Variants in TXNDC12 observed in about 807,000 individuals in gnomAD.
TXNDC12 encodes the protein thioredoxin domain containing 12.
TXNDC12 carries 22 observed loss-of-function variants against 24.2 expected under a neutral mutation model. The ratio of observed to expected loss-of-function variants is 0.91; its 90% CI spans 0.65 to 1.30. The LOEUF is 1.30. Ranked by LOEUF, TXNDC12 falls within the 50% of genes most tolerant of loss-of-function variation. The pLI, the probability that TXNDC12 is intolerant of heterozygous loss-of-function variation, is 0.00. For synonymous variants in TXNDC12, 58 were observed against 73.4 expected (o/e 0.79, Z 1.07); for missense variants, 184 against 205.8 (o/e 0.89, Z 0.65).
chr1:52,031,248 C>T (rs1279949961), intron 2 of TXNDC12, among the ~76,000 whole-genome samples: 1 of 151,676 alleles, frequency 6.6e-6, no homozygotes, highest in East Asian at 1.9e-4. Flanking sequence ...CAACCTCCGC[C>T]TCCCGGGTTC....
chr1:52,032,549 G>A (rs781007713), intron 2 of TXNDC12: 18 of 1,403,360 alleles, frequency 1.3e-5, no homozygotes, highest in Middle Eastern at 2.6e-4. Context: ...CTGGCACAGG[G>A]GTATGCAGGA....
upstream of TXNDC12, chr1:52,055,468 C>G: frequency 4.1e-6 from 1 of 244,810 alleles, no homozygotes; most frequent in South Asian, 4.8e-5. Context: ...CAGTCCAGCC[C>G]CTCCCCCCAA....
At chr1:52,050,844 G>C (rs1445723468) in intron 1 of TXNDC12, 4 of 168,578 alleles carry the variant, frequency 2.4e-5, no homozygotes, top group African/African-American at 9.6e-5. Flanking sequence ...TTTTATTCCA[G>C]AGACTTGACA....
At position 52,020,956 on chromosome 1, in the gene TXNDC12, T is replaced by A. The variant is rs1444457445; in HGVS notation, c.496A>T (p.Lys166Ter). ...TGTTACAATTCATCTTCAAGATGTTTCTTTCTGAAGGCATCACCCGTCAGC... is the reference window on the plus strand; with the variant it reads ...TGTTACAATTCATCTTCAAGATGTTACTTTCTGAAGGCATCACCCGTCAGC... ...ERLTGDAFRK[K>*]HLEDEL The change falls in exon 7 of 7, where the codon AAA becomes TAA. Residue 166 changes from lysine (K) to a stop codon, truncating the protein, a stop_gained. Coordinates refer to ENST00000371626, the MANE Select transcript of TXNDC12 (RefSeq NM_015913.4). LOFTEE classifies it high-confidence loss of function. 6.2e-7 allele frequency: 1 copy of A among 1,614,082 alleles called. No homozygotes were observed. Among genetic ancestry groups the A allele is most frequent in the African/African-American group, 1.3e-5 (1 of 75,056 alleles).
At chr1:52,049,148 T>C (rs1686153082) in intron 1 of TXNDC12, among the ~76,000 whole-genome samples, 1 of 152,120 alleles carries the variant, frequency 6.6e-6, no homozygotes, top group Non-Finnish European at 1.5e-5. Context: ...AACCCTCTTA[T>C]TTTACTGAGG....
At chr1:52,055,302 G>A (rs1228522794), upstream of TXNDC12, 5 of 546,774 alleles carry the variant, frequency 9.1e-6, no homozygotes, top group Non-Finnish European at 1.3e-5. Context: ...TAAAGGTGCA[G>A]ATCACGTAGA....
chr1:52,023,797 G>A (rs1012599238), intron 5 of TXNDC12, among the ~76,000 whole-genome samples: 2 of 151,924 alleles, frequency 1.3e-5, no homozygotes, highest in African/African-American at 4.8e-5. Context: ...CAAAGATTAG[G>A]TGGTCATTAA....
At position 52,025,946 on chromosome 1, in the gene TXNDC12, A is replaced by T. The variant is rs1685665625; in HGVS notation, c.285+1329T>A. On this transcript the variant is annotated intron_variant, in intron 4 of 6. Transcript: ENST00000371626. Reference sequence around the variant, plus strand: ...CTGGGTCAAGCGATTCTCCTGCCTCAGGCTCCCTAGTAGCTGGGACTACAG... The same window carrying T: ...CTGGGTCAAGCGATTCTCCTGCCTCTGGCTCCCTAGTAGCTGGGACTACAG... Among the ~76,000 whole-genome samples, 3 of 151,128 alleles carry T rather than the reference A, an allele frequency of 2.0e-5. No individual in the cohort carries two copies. The South Asian group carries it at 6.3e-4, about 32-fold the overall frequency.
At chr1:52,054,545 A>C (rs1686288109) in intron 1 of TXNDC12, among the ~76,000 whole-genome samples, 1 of 152,226 alleles carries the variant, frequency 6.6e-6, no homozygotes, top group East Asian at 1.9e-4. Flanking sequence ...CCTGGGATGC[A>C]GGTGCTGTTT....
chr1:52,055,566 G>C (rs2124402152), upstream of TXNDC12: 1 of 181,812 alleles, frequency 5.5e-6, no homozygotes, highest in Admixed American at 5.7e-5. Flanking sequence ...ACTGGCCTCG[G>C]ATTCTCCTTA....
At chr1:52,038,141 G>T (rs988738695) in intron 2 of TXNDC12, among the ~76,000 whole-genome samples, 2 of 151,910 alleles carry the variant, frequency 1.3e-5, no homozygotes, top group Admixed American at 1.3e-4. Flanking sequence ...TGCCCAGGTT[G>T]GTCTTCCTTA....
intron 2 of TXNDC12, chr1:52,033,081 C>A: frequency 6.2e-7 from 1 of 1,607,574 alleles, no homozygotes; most frequent in Non-Finnish European, 8.5e-7. Context: ...TGAATAAAGG[C>A]CGGTCCCAGC....
Position 52,024,556 on chromosome 1 carries a change from T to G in TXNDC12, c.309A>C (p.Glu103Asp), listed in dbSNP as rs1685646602. The change falls in exon 5 of 7, where the codon GAA (glutamate) becomes GAC (aspartate). Residue 103 changes from glutamate (E) to aspartate (D), a missense_variant. Coordinates refer to ENST00000371626, the MANE Select transcript of TXNDC12 (RefSeq NM_015913.4). ...TATAACCCCCGTCAGGGCTGAAATC[T>G]TCATCTTTGGGTTCCTCTTCATCCT... ...NLEDEEEPKDEDFSPDGGYIP... is the reference protein window; with the variant it reads ...NLEDEEEPKDDDFSPDGGYIP... 2 of 1,612,406 alleles carry G rather than the reference T, an allele frequency of 1.2e-6. No homozygotes were observed. The highest frequency in any genetic ancestry group is 2.7e-5 in the African/African-American group (2 of 74,972).
chr1:52,028,495 C>T (rs1246540920), intron 3 of TXNDC12, 83 bp downstream of exon 3: 2 of 1,101,428 alleles, frequency 1.8e-6, no homozygotes, highest in Non-Finnish European at 2.7e-6. Context: ...AGTGCTGGGC[C>T]AGAGTCAGTG....
chr1:52,023,942 A>G (rs921586691), intron 5 of TXNDC12, among the ~76,000 whole-genome samples: 1 of 151,874 alleles, frequency 6.6e-6, no homozygotes, highest in Non-Finnish European at 1.5e-5. Context: ...AGTGCTTGAC[A>G]TATGGCTGAT....
At position 52,028,586 on chromosome 1, in the gene TXNDC12, G is replaced by A; in HGVS notation, c.203C>T (p.Ala68Val). 2 of 1,612,430 alleles carry A rather than the reference G, an allele frequency of 1.2e-6. No individual in the cohort carries two copies. The highest frequency in any genetic ancestry group is 1.7e-6 in the Non-Finnish European group (2 of 1,179,488). ...TGAGCATTTGCACTTACCTTTGCAA[G>A]CTCCACACCAGGATTTATGAATAAT... is the stretch of plus-strand genomic sequence containing the variant. ...MVIIHKSWCG[A>V]CKALKPKFAE... The change falls in exon 3 of 7, where the codon GCT becomes GTT. Residue 68 changes from alanine to valine, a missense_variant. By Grantham distance (64) the Ala-to-Val change is moderately conservative (BLOSUM62 0). Coordinates refer to ENST00000371626, the MANE Select transcript of TXNDC12 (RefSeq NM_015913.4).
chr1:52,036,701 T>C (rs1233165018), intron 2 of TXNDC12, among the ~76,000 whole-genome samples: 2 of 152,230 alleles, frequency 1.3e-5, no homozygotes, highest in Admixed American at 1.3e-4. Context: ...AAAGCAGCTC[T>C]AAATAATTAG....
chr1:52,038,384 T>C (rs925662472), intron 2 of TXNDC12, among the ~76,000 whole-genome samples: 2 of 151,364 alleles, frequency 1.3e-5, no homozygotes, highest in Non-Finnish European at 2.9e-5. Flanking sequence ...GGATCTCGGC[T>C]CATGCAACCT....
intron 2 of TXNDC12, among the ~76,000 whole-genome samples, chr1:52,029,116 G>A (rs1430511930): frequency 6.6e-6 from 1 of 152,128 alleles, no homozygotes; most frequent in East Asian, 1.9e-4. Context: ...CGACAGAACA[G>A]ACTCTGTCTC....
Sources: allele counts gnomAD v4.1 joint callset (sites outside exome capture counted in the v4.1 genomes callset), GRCh38; gene constraint gnomAD v4.1.1; transcripts MANE v1.5; gene names NCBI Gene and HGNC (gene_info 2026-07-23, HGNC 2026-07-21).